The following SUMF1 variants were observed in gnomAD, a reference collection of about 807,000 sequenced individuals.
SUMF1 encodes the protein formylglycine-generating enzyme.
SUMF1 carries 48 observed loss-of-function variants against 47.6 expected under a neutral mutation model. The ratio of observed to expected loss-of-function variants is 1.01; its 90% CI spans 0.80 to 1.28. The LOEUF (loss-of-function observed/expected upper bound fraction) is 1.28, where lower values mean the gene tolerates loss of function less well. Among genes scored for constraint, SUMF1 ranks in the 50% most tolerant of loss-of-function variants. The probability of loss-of-function intolerance (pLI) is 0.00; values close to 1 mark genes in which losing one functional copy is unlikely to be tolerated. For missense variants in SUMF1, 571 were observed against 485.4 expected, an observed-to-expected ratio of 1.18 and a Z score of -1.66; for synonymous variants, 230 against 192.1, an observed-to-expected ratio of 1.20 and a Z score of -1.63.
At chr3:4,066,944 C>T (rs1179158972) in intron 9 of SUMF1, among the ~76,000 whole-genome samples, 1 of 152,168 alleles carries the variant, frequency 6.6e-6, no homozygotes, top group Non-Finnish European at 1.5e-5. Context: ...CATTTCTCAA[C>T]TGGATGGTGT....
chr3:4,077,208 G>A (rs1393895459), intron 8 of SUMF1, among the ~76,000 whole-genome samples: 2 of 152,058 alleles, frequency 1.3e-5, no homozygotes, highest in East Asian at 1.9e-4. Context: ...ACTGTTGGTG[G>A]GAGTGTAAAT....
At chr3:4,275,529 C>T (rs1697395072) in intron 8 of SUMF1, among the ~76,000 whole-genome samples, 1 of 152,140 alleles carries the variant, frequency 6.6e-6, no homozygotes, top group Non-Finnish European at 1.5e-5. Flanking sequence ...GCAGACCTTC[C>T]CTCACATCTT....
At chr3:4,246,137 G>C (rs2083929) in intron 8 of SUMF1, among the ~76,000 whole-genome samples, 6,766 of 152,248 alleles carry the variant, frequency 0.044, 250 homozygotes, top group Non-Finnish European at 0.069. Context: ...TTGGGCAGAA[G>C]TGCACCGTTC....
chr3:4,363,118 T>A (rs1699823702), intron 8 of SUMF1, among the ~76,000 whole-genome samples: 1 of 152,138 alleles, frequency 6.6e-6, no homozygotes. Flanking sequence ...TCCAATACAA[T>A]AAGAATATAT....
intron 8 of SUMF1, among the ~76,000 whole-genome samples, chr3:4,338,054 C>G (rs996351886): frequency 2.6e-5 from 4 of 152,160 alleles, no homozygotes; most frequent in African/African-American, 7.2e-5. Context: ...AAATTTTTGA[C>G]TAGTTCAAAA....
intron 1 of SUMF1, among the ~76,000 whole-genome samples, chr3:4,460,412 C>G (rs183217288): frequency 6.6e-6 from 1 of 152,028 alleles, no homozygotes; most frequent in Non-Finnish European, 1.5e-5. Flanking sequence ...GAATTCCTAT[C>G]GCCTTTCAGA....
downstream of SUMF1, among the ~76,000 whole-genome samples, chr3:4,356,150 T>C (rs1699612857): frequency 6.6e-6 from 1 of 152,236 alleles, no homozygotes; most frequent in Non-Finnish European, 1.5e-5. Flanking sequence ...CCATGGTGTT[T>C]TAAGCATTTG....
chr3:4,465,630 G>C (rs151043901), intron 1 of SUMF1, among the ~76,000 whole-genome samples: 1 of 152,066 alleles, frequency 6.6e-6, no homozygotes, highest in South Asian at 2.1e-4. Context: ...TGCAGGACAT[G>C]CTCTAAGGGT....
chr3:4,097,536 T>C (rs540361064), intron 8 of SUMF1, among the ~76,000 whole-genome samples: 2 of 152,000 alleles, frequency 1.3e-5, no homozygotes, highest in South Asian at 2.1e-4. Flanking sequence ...CTGGGTGACA[T>C]AGTGAGACCC....
chr3:4,087,328 C>G (rs1311908052), intron 8 of SUMF1, among the ~76,000 whole-genome samples: 2 of 152,126 alleles, frequency 1.3e-5, no homozygotes, highest in African/African-American at 2.4e-5. Flanking sequence ...ATGCAGCATG[C>G]CTTCTTTCAA....
At chr3:4,244,833 G>A (rs561846541) in intron 8 of SUMF1, among the ~76,000 whole-genome samples, 2 of 152,230 alleles carry the variant, frequency 1.3e-5, no homozygotes, top group Non-Finnish European at 2.9e-5. Context: ...ATAATATCCT[G>A]AAGGGTGTTT....
chr3:4,214,888 A>G (rs1313154928), intron 8 of SUMF1, among the ~76,000 whole-genome samples: 3 of 152,198 alleles, frequency 2.0e-5, no homozygotes, highest in Non-Finnish European at 4.4e-5. Context: ...AAGTTCTAAA[A>G]TTGAGGCAGT....
At chr3:4,441,662 C>A (rs916312941) in intron 3 of SUMF1, among the ~76,000 whole-genome samples, 1 of 152,144 alleles carries the variant, frequency 6.6e-6, no homozygotes, top group African/African-American at 2.4e-5. Flanking sequence ...TCAAATTAAA[C>A]GTCCAAATAA....
At chr3:4,154,889 A>G (rs1240249206) in intron 8 of SUMF1, among the ~76,000 whole-genome samples, 2 of 151,522 alleles carry the variant, frequency 1.3e-5, no homozygotes, top group African/African-American at 4.9e-5. Context: ...TGCAACTTGA[A>G]GTAAGACCCT....
chr3:4,165,826 G>GA (rs370990614), intron 8 of SUMF1, among the ~76,000 whole-genome samples: 4,655 of 143,882 alleles, frequency 0.032, 282 homozygotes, highest in African/African-American at 0.11. Flanking sequence ...TTTCCCAGCT[G>GA]AAAAAAAAAA....
chr3:4,452,956 C>CAA lies in SUMF1; in HGVS notation c.362_363dup (p.Asp122LeufsTer20). On this transcript the variant is annotated frameshift_variant, in exon 2 of 9. Transcript: ENST00000272902. LOFTEE classifies it high-confidence loss of function. Reference sequence around the variant, plus strand: ...TCATAGGCATCCATGTAAAAGGCATCAATAGTAACTCTCCTCGCAGGTGCT... The same window carrying CAA: ...TCATAGGCATCCATGTAAAAGGCATCAAAATAGTAACTCTCCTCGCAGGTGCT... 6.2e-7 allele frequency: 1 copy of CAA among 1,614,146 alleles called. No homozygotes were observed. The highest frequency in any genetic ancestry group is 8.5e-7 in the Non-Finnish European group (1 of 1,180,042).
chr3:4,049,410 G>T (rs1695064039), intron 9 of SUMF1, among the ~76,000 whole-genome samples: 2 of 152,268 alleles, frequency 1.3e-5, no homozygotes, highest in South Asian at 4.1e-4. Flanking sequence ...CAAAATATTT[G>T]CTGGATGGCA....
chr3:4,165,605 G>T (rs997412362), intron 8 of SUMF1, among the ~76,000 whole-genome samples: 14 of 152,012 alleles, frequency 9.2e-5, no homozygotes, highest in Non-Finnish European at 1.5e-5. Context: ...CACTCCATTT[G>T]CCTTCCCTCT....
chr3:4,070,656 G>C (rs1215320003), intron 8 of SUMF1, among the ~76,000 whole-genome samples: 1 of 150,300 alleles, frequency 6.7e-6, no homozygotes, highest in Non-Finnish European at 1.5e-5. Context: ...TTTTTTTTTA[G>C]GCAGAGTCTC....
Sources: gnomAD v4.1 joint callset for allele counts (sites outside exome capture counted in the v4.1 genomes callset) on GRCh38, gnomAD v4.1.1 for gene constraint, MANE v1.5 for transcripts, NCBI Gene and HGNC (gene_info 2026-07-23, HGNC 2026-07-21) for gene names.